Variants in TPRG1 observed in about 807,000 individuals in gnomAD.
TPRG1 encodes the protein tumor protein p63 regulated 1, also known as tumor protein p63-regulated gene 1 protein.
In TPRG1, 29 loss-of-function variants were observed where a neutral mutation model predicts 29.3. That is an observed-to-expected ratio of 0.99 (90% CI 0.74 to 1.35). The LOEUF is 1.35. TPRG1 is among the 40% of genes most tolerant of loss of function. TPRG1 has a pLI of 0.00. For synonymous variants in TPRG1, 130 were observed against 116.8 expected, an observed-to-expected ratio of 1.11 and a Z score of -0.73; for missense variants, 327 against 335.0, an observed-to-expected ratio of 0.98 and a Z score of 0.19.
chr3:189,055,730 C>T (rs980825404), intron 4 of TPRG1, among the ~76,000 whole-genome samples: 1 of 152,058 alleles, frequency 6.6e-6, no homozygotes, highest in African/African-American at 2.4e-5. Flanking sequence ...AAAATTCCAC[C>T]CAAAGCTAGC....
At chr3:189,019,423 TGA>T (rs1338943481) in intron 3 of TPRG1, among the ~76,000 whole-genome samples, 3 of 152,206 alleles carry the variant, frequency 2.0e-5, no homozygotes, top group Non-Finnish European at 4.4e-5. Context: ...CCTAATTTAT[TGA>T]GAGTTTTTAG....
At chr3:189,301,860 C>G (rs532966758) in intron 4 of TPRG1, among the ~76,000 whole-genome samples, 1 of 152,226 alleles carries the variant, frequency 6.6e-6, no homozygotes, top group Non-Finnish European at 1.5e-5. Context: ...TGACTCCTCA[C>G]TAGCTTCCAT....
intron 3 of TPRG1, among the ~76,000 whole-genome samples, chr3:189,006,464 A>C (rs1712291466): frequency 6.6e-6 from 1 of 152,126 alleles, no homozygotes. Flanking sequence ...AACAGTAATA[A>C]ACATTTGTGG....
intron 3 of TPRG1, among the ~76,000 whole-genome samples, chr3:189,021,978 C>G (rs1296852464): frequency 6.6e-6 from 1 of 152,240 alleles, no homozygotes; most frequent in East Asian, 1.9e-4. Flanking sequence ...TCATTTCATT[C>G]ATTTCATCTT....
chr3:189,282,782 C>T (rs907989698), intron 4 of TPRG1, among the ~76,000 whole-genome samples: 43 of 152,272 alleles, frequency 2.8e-4, no homozygotes, highest in Non-Finnish European at 8.8e-5. Context: ...GCTTTTCACT[C>T]TGCTGGCTGG....
intron 3 of TPRG1, among the ~76,000 whole-genome samples, chr3:189,228,512 A>G (rs990428191): frequency 3.9e-5 from 6 of 152,230 alleles, no homozygotes; most frequent in Admixed American, 2.0e-4. Context: ...AACAGGTTAA[A>G]TCAAGTAAAT....
At position 189,003,939 on chromosome 3, in the gene TPRG1, A is replaced by C. The variant is rs989823029; in HGVS notation, c.-877-604A>C. On this transcript the variant is annotated intron_variant, in intron 2 of 10. Coordinates refer to the TPRG1 transcript ENST00000433971. ...GGGGGATTTATACCATAGGGCTGAG[A>C]ATCCAGGAATGGATCTTACCATATG... Among the ~76,000 whole-genome samples, 15 of 152,246 alleles carry C rather than the reference A, an allele frequency of 9.9e-5. No homozygotes were observed. The South Asian group carries it at 1.2e-3, about 13-fold the overall frequency.
At chr3:189,224,213 T>A (rs1737346348) in intron 3 of TPRG1, among the ~76,000 whole-genome samples, 1 of 152,246 alleles carries the variant, frequency 6.6e-6, no homozygotes, top group Non-Finnish European at 1.5e-5. Flanking sequence ...CCAGGCATGG[T>A]GGCTTACGCC....
chr3:189,268,724 G>A (rs547488666), intron 4 of TPRG1, among the ~76,000 whole-genome samples: 30 of 152,286 alleles, frequency 2.0e-4, no homozygotes, highest in Admixed American at 9.2e-4. Context: ...CTTTAGCGTC[G>A]TAATAGCAAG....
chr3:189,226,054 A>G (rs1447769809), intron 3 of TPRG1, among the ~76,000 whole-genome samples: 2 of 152,246 alleles, frequency 1.3e-5, no homozygotes, highest in Non-Finnish European at 2.9e-5. Flanking sequence ...CCATAATTAT[A>G]GTTTGAGACT....
intron 4 of TPRG1, among the ~76,000 whole-genome samples, chr3:189,252,462 C>A (rs1315523432): frequency 3.9e-5 from 6 of 152,052 alleles, no homozygotes; most frequent in Admixed American, 3.9e-4. Context: ...GAAATGGGAG[C>A]CCTAAATCTT....
At chr3:189,101,790 TAATA>T (rs1378706705) in intron 1 of TPRG1, among the ~76,000 whole-genome samples, 33 of 150,702 alleles carry the variant, frequency 2.2e-4, no homozygotes, top group Middle Eastern at 3.5e-3. Context: ...ATAAAAATAA[TAATA>T]AATAAATAAT....
chr3:189,086,354 T>A (rs941336353), intron 4 of TPRG1, among the ~76,000 whole-genome samples: 3 of 117,138 alleles, frequency 2.6e-5, no homozygotes, highest in Non-Finnish European at 5.2e-5. Context: ...CTGATTCAAA[T>A]TTTTTTTTTT....
At chr3:189,113,809 C>A (rs1720843785) in intron 1 of TPRG1, among the ~76,000 whole-genome samples, 1 of 151,848 alleles carries the variant, frequency 6.6e-6, no homozygotes. Flanking sequence ...AGGAGATATA[C>A]CTAATGCTAA....
intron 2 of TPRG1, among the ~76,000 whole-genome samples, chr3:189,129,451 T>C (rs1292476289): frequency 2.6e-5 from 4 of 152,180 alleles, no homozygotes; most frequent in Non-Finnish European, 5.9e-5. Context: ...TAAGATGGCA[T>C]CTGCTGGATT....
intron 4 of TPRG1, among the ~76,000 whole-genome samples, chr3:189,028,414 G>A (rs1713769261): frequency 6.6e-6 from 1 of 152,132 alleles, no homozygotes; most frequent in East Asian, 1.9e-4. Flanking sequence ...TGGGGGACAG[G>A]GTCACTTTTG....
chr3:189,135,004 A>G (rs1723572492), intron 3 of TPRG1, among the ~76,000 whole-genome samples: 1 of 152,204 alleles, frequency 6.6e-6, no homozygotes, highest in Non-Finnish European at 1.5e-5. Context: ...GGGGTCCCTG[A>G]AAAGTTTTAC....
At chr3:189,304,116 G>GGT (rs372380947) in intron 4 of TPRG1, among the ~76,000 whole-genome samples, 1 of 137,052 alleles carries the variant, frequency 7.3e-6, no homozygotes, top group Non-Finnish European at 1.6e-5. Flanking sequence ...GTTAACTCTT[G>GGT]TTTTTTTTTT....
rs548227991 is a variant in TPRG1 at position 189,177,391 on chromosome 3, T to A, written c.-10+5260T>A. The stretch of plus-strand genomic sequence containing the variant: ...CCGAAGATAAAAAATGGGAATCATA[T>A]ATGTATGTATGTATACGCATATATA... On this transcript the variant is annotated intron_variant, in intron 1 of 5. Coordinates refer to ENST00000345063, the MANE Select transcript of TPRG1 (RefSeq NM_198485.4). Among the ~76,000 whole-genome samples the A allele has an allele frequency of 7.9e-5, 12 of 151,834 alleles. No individual in the cohort carries two copies. In the South Asian group the frequency reaches 2.5e-3, roughly 32 times the overall value.
Sources: gnomAD v4.1 joint callset for allele counts (sites outside exome capture counted in the v4.1 genomes callset) on GRCh38, gnomAD v4.1.1 for gene constraint, MANE v1.5 for transcripts, NCBI Gene and HGNC (gene_info 2026-07-23, HGNC 2026-07-21) for gene names.